The following RPGR variants were observed in gnomAD, a reference collection of about 807,000 sequenced individuals.
RPGR encodes the protein X-linked retinitis pigmentosa GTPase regulator.
Under a neutral mutation model 56.3 loss-of-function variants are expected in RPGR, and 10 were observed. The observed-to-expected ratio is 0.18, with a 90% CI of 0.11 to 0.30. The LOEUF (loss-of-function observed/expected upper bound fraction) is 0.30. Ranked by LOEUF, RPGR falls within the 10% of genes least tolerant of loss-of-function variation. The pLI is 1.00. For synonymous variants in RPGR, 197 were observed against 212.9 expected, an observed-to-expected ratio of 0.93 and a Z score of 0.65; for missense variants, 538 against 590.9, an observed-to-expected ratio of 0.91 and a Z score of 0.93.
intron 1 of RPGR, chrX:38,327,059 TAA>T (rs1232638719): frequency 0.022 from 5,480 of 248,368 alleles, no homozygotes; most frequent in Middle Eastern, 0.031. Context: ...CTCCGTCTCA[TAA>T]AAAAAAAAAA....
intron 18 of RPGR, among the ~76,000 whole-genome samples, chrX:38,273,115 T>C (rs2066872781): frequency 9.0e-6 from 1 of 111,722 alleles, no homozygotes; most frequent in Non-Finnish European, 1.9e-5. Context: ...ATGTTAAAAA[T>C]GTCAAAGACA....
chrX:38,298,456 C>T (rs1204612674), intron 10 of RPGR: 1 of 304,282 alleles, frequency 3.3e-6, no homozygotes, highest in African/African-American at 2.8e-5. Context: ...AACTGAAAGA[C>T]AAAAGAATGT....
rs778523531 is a variant in RPGR at position 38,275,065 on chromosome X, G to A, written c.2149+24C>T. ...TGTGTGTATGTATGTATGTATATATGTATGTTATCAAATGTGCTCATACCT... is the reference window on the plus strand; with the variant it reads ...TGTGTGTATGTATGTATGTATATATATATGTTATCAAATGTGCTCATACCT... On this transcript the variant is annotated intron_variant, in intron 17 of 18. Transcript: ENST00000642395. 2.6e-5 allele frequency: 30 copies of A among 1,147,288 alleles called. 1 individual carries two copies. In the Admixed American group the frequency reaches 6.1e-4, roughly 23 times the overall value. 94.5% of individuals were successfully genotyped at this position (1,147,288 alleles called of 1,213,427 possible).
rs1450463839 is a variant in RPGR, at chrX:38,286,824, T to C, written c.1905+270A>G. The C allele has an allele frequency of 1.8e-5, 21 of 1,167,670 alleles. No individual in the cohort carries two copies. The highest frequency in any genetic ancestry group is 2.2e-5 in the Non-Finnish European group (19 of 875,876). On this transcript the variant is annotated intron_variant, in intron 15 of 18. Transcript: ENST00000642395. Reference sequence around the variant, plus strand: ...CCTCCTCCCCTCCCTCCTCCATCTCTTGGTTTCTTTCCTTCTGATGGCCCT... The same window carrying C: ...CCTCCTCCCCTCCCTCCTCCATCTCCTGGTTTCTTTCCTTCTGATGGCCCT...
At position 38,303,864 on chromosome X, in the gene RPGR, G is replaced by C. The variant is rs151166215; in HGVS notation, c.934+771C>G. Reference sequence around the variant, plus strand: ...GTAGAAATACTAGTACATGGATTACGTCAATACACTAGATGATTTCTGACT... The same window carrying C: ...GTAGAAATACTAGTACATGGATTACCTCAATACACTAGATGATTTCTGACT... On this transcript the variant is annotated intron_variant, in intron 8 of 18. Coordinates refer to ENST00000642395, the MANE Select transcript of RPGR (RefSeq NM_000328.3). 550 of 293,508 alleles carry C rather than the reference G, an allele frequency of 1.9e-3. 3 individuals carry two copies. The highest frequency in any genetic ancestry group is 0.014 in the East Asian group (292 of 20,791). 24.2% of individuals were successfully genotyped at this position (293,508 alleles called of 1,213,427 possible).
Position 38,297,325 on chromosome X carries a change from C to G in RPGR, c.1373G>C (p.Ser458Thr). 1 of 1,210,869 alleles carries G rather than the reference C, an allele frequency of 8.3e-7. No individual in the cohort carries two copies. The highest frequency in any genetic ancestry group is 1.1e-6 in the Non-Finnish European group (1 of 895,298). ...CATGAGGTCCTGTTCAGATAAGACA[C>G]TCTCTTGGAGGTTTCTCTCAGAACA... is the stretch of plus-strand genomic sequence containing the variant. The change falls in exon 11 of 19, where the codon AGT becomes ACT. Residue 458 changes from serine to threonine, a missense_variant. Around this residue, in one of 2 missense-constraint regions of RPGR, gnomAD observed 357 missense variants for 325.8 expected, o/e 1.10. Coordinates refer to ENST00000642395, the MANE Select transcript of RPGR (RefSeq NM_000328.3).
At chrX:38,286,353 T>G in intron 15 of RPGR, 1 of 639,289 alleles carries the variant, frequency 1.6e-6, no homozygotes. Context: ...CCCCTTCTCC[T>G]TCCTCCTCTT....
chrX:38,324,788 CA>C (rs1419517078), intron 1 of RPGR, among the ~76,000 whole-genome samples: 4 of 101,017 alleles, frequency 4.0e-5, no homozygotes, highest in Non-Finnish European at 8.1e-5. Context: ...CACAAATCAG[CA>C]AGATTTGTGT....
At chrX:38,314,325 G>C (rs2067778097) in intron 6 of RPGR, among the ~76,000 whole-genome samples, 1 of 110,994 alleles carries the variant, frequency 9.0e-6, no homozygotes. Context: ...AGAATAAATA[G>C]GTCATTTCAT....
At chrX:38,281,662 T>C (rs2067034175) in intron 15 of RPGR, among the ~76,000 whole-genome samples, 1 of 111,773 alleles carries the variant, frequency 8.9e-6, no homozygotes, top group Non-Finnish European at 1.9e-5. Context: ...TGAGTGCCTA[T>C]AACATGTTTC....
chrX:38,310,030 G>A (rs913405158), intron 7 of RPGR, among the ~76,000 whole-genome samples: 2 of 110,557 alleles, frequency 1.8e-5, no homozygotes, highest in South Asian at 3.9e-4. Flanking sequence ...CCAGGCTTGA[G>A]TGCAGTGGGA....
chrX:38,291,612 C>T (rs901524888), intron 11 of RPGR, 128 bp from the exon 12 acceptor site: 1 of 423,153 alleles, frequency 2.4e-6, no homozygotes, highest in Non-Finnish European at 4.1e-6. Flanking sequence ...CCTTTAACCT[C>T]ATGTCAGGGA....
Position 38,297,327 on chromosome X carries a change from C to G in RPGR, c.1371G>C (p.Glu457Asp), listed in dbSNP as rs371226433. The change falls in exon 11 of 19, where the codon GAG (glutamate) becomes GAC (aspartate). Residue 457 changes from glutamate to aspartate, a missense_variant. By Grantham distance (45) the Glu-to-Asp change is conservative. Around this residue, in one of 2 missense-constraint regions of RPGR, gnomAD observed 357 missense variants for 325.8 expected, o/e 1.10. Coordinates refer to ENST00000642395, the MANE Select transcript of RPGR (RefSeq NM_000328.3). Reference sequence around the variant, plus strand: ...TGAGGTCCTGTTCAGATAAGACACTCTCTTGGAGGTTTCTCTCAGAACATC... The same window carrying G: ...TGAGGTCCTGTTCAGATAAGACACTGTCTTGGAGGTTTCTCTCAGAACATC... The G allele has an allele frequency of 2.6e-5, 31 of 1,208,319 alleles. 1 individual carries two copies. In the African/African-American group the frequency reaches 5.1e-4, roughly 20 times the overall value.
chrX:38,305,473 G>C (rs1427326522), intron 7 of RPGR, among the ~76,000 whole-genome samples: 1 of 109,976 alleles, frequency 9.1e-6, no homozygotes, highest in Non-Finnish European at 1.9e-5. Context: ...ATAAAAAAGT[G>C]AATAGTGTCT....
chrX:38,310,486 C>T, intron 7 of RPGR, 129 bp downstream of exon 7: 6 of 630,618 alleles, frequency 9.5e-6, no homozygotes, highest in Non-Finnish European at 1.5e-5. Flanking sequence ...TCTTAAAAAT[C>T]TATTAAGAAG....
chrX:38,290,948 TC>T lies in RPGR; in HGVS notation c.1572+10del. 1.0e-6 allele frequency: 1 copy of T among 956,288 alleles called. No homozygotes were observed. Among genetic ancestry groups the T allele is most frequent in the Non-Finnish European group, 1.5e-6 (1 of 684,985 alleles). 78.8% of individuals were successfully genotyped at this position (956,288 alleles called of 1,213,427 possible). A position where few individuals can be genotyped will look rare whatever the true frequency, so the allele number is the denominator to read the frequency against. On this transcript the variant is annotated intron_variant, in intron 13 of 18. Transcript: ENST00000642395. ...CACCAACAATAACGAAAATAAATCT[TC>T]ATATTATACCTTTTGTTTCTGAACT...
chrX:38,281,216 T>A (rs1203559261), intron 15 of RPGR, among the ~76,000 whole-genome samples: 1 of 112,686 alleles, frequency 8.9e-6, no homozygotes, highest in Non-Finnish European at 1.9e-5. Context: ...TTGTTGTCCA[T>A]AAACAAATGC....
rs2088299654 is a variant in RPGR, at chrX:38,291,415, T to C, written c.1484A>G (p.Glu495Gly). ...TACCATGTTTAAGATATCAGTAGTT[T>C]CTCCAAGGCTTTCTACAGTTGAAGA... The change falls in exon 12 of 19, where the codon GAA (glutamate) becomes GGA (glycine). Residue 495 changes from glutamate (E) to glycine (G), a missense_variant. By Grantham distance (98) the Glu-to-Gly change is moderately conservative. Coordinates refer to ENST00000642395, the MANE Select transcript of RPGR (RefSeq NM_000328.3). 1.7e-6 allele frequency: 2 copies of C among 1,152,080 alleles called. No homozygotes were observed. Among genetic ancestry groups the C allele is most frequent in the African/African-American group, 1.8e-5 (1 of 56,147 alleles). The allele number at this position is 1,152,080 out of a possible 1,213,427, so 94.9% of individuals were successfully genotyped here.
chrX:38,291,504 A>G lies in RPGR; in HGVS notation c.1415-20T>C. The G allele has an allele frequency of 1.1e-6, 1 of 931,367 alleles. No individual in the cohort carries two copies. Among genetic ancestry groups the G allele is most frequent in the Non-Finnish European group, 1.6e-6 (1 of 644,135 alleles). 76.8% of individuals were successfully genotyped at this position (931,367 alleles called of 1,213,427 possible). The stretch of plus-strand genomic sequence containing the variant: ...AATAATCTGAATGATTAAATGGGAA[A>G]AAGGAAATCCAGATTTCAACAGAAA... On this transcript the variant is annotated intron_variant, in intron 11 of 18. Coordinates refer to ENST00000642395, the MANE Select transcript of RPGR (RefSeq NM_000328.3).
Sources: allele counts gnomAD v4.1 joint callset (sites outside exome capture counted in the v4.1 genomes callset), GRCh38; gene constraint gnomAD v4.1.1; regional missense constraint gnomAD v4.1.1; transcripts MANE v1.5; gene names NCBI Gene and HGNC (gene_info 2026-07-23, HGNC 2026-07-21).